The following FBN2 variants were observed in gnomAD, a reference collection of about 807,000 sequenced individuals.
FBN2 encodes the protein fibrillin 2, also known as fibrillin-2.
Under a neutral mutation model 355.6 loss-of-function variants are expected in FBN2, and 105 were observed. That is an observed-to-expected ratio of 0.30 (90% CI 0.25 to 0.35). The LOEUF is 0.35. FBN2 is among the 10% of genes least tolerant of loss of function. The pLI is 1.00. For synonymous variants in FBN2, 1,350 were observed against 1,301.2 expected (o/e 1.04, Z -0.81); for missense variants, 3,280 against 3,758.7 (o/e 0.87, Z 3.33).
chr5:128,332,537 A>G (rs1750721089), intron 32 of FBN2, among the ~76,000 whole-genome samples: 1 of 152,224 alleles, frequency 6.6e-6, no homozygotes, highest in African/African-American at 2.4e-5. Flanking sequence ...CTAAAAAATT[A>G]GGTTATCTGA....
Position 128,259,687 on chromosome 5 carries a change from A to G in FBN2, c.8507T>C (p.Ile2836Thr), listed in dbSNP as rs561167780. 1.2e-6 allele frequency: 2 copies of G among 1,613,910 alleles called. No homozygotes were observed. The highest frequency in any genetic ancestry group is 1.3e-5 in the African/African-American group (1 of 74,982). The stretch of plus-strand genomic sequence containing the variant: ...GACGCTGTCATCGTTCCCTTGAGAG[A>G]TGACATAACGGATGTGGTTGTTGAG... ...QPLNNHIRYV[I>T]SQGNDDSVFR... The change falls in exon 65 of 65, where the codon ATC becomes ACC. Residue 2836 changes from isoleucine (I) to threonine (T), a missense_variant. Physicochemically the swap from Ile to Thr is moderately conservative, Grantham distance 89. Coordinates refer to ENST00000262464, the MANE Select transcript of FBN2 (RefSeq NM_001999.4).
At chr5:128,325,998 C>T (rs1014575001) in intron 34 of FBN2, among the ~76,000 whole-genome samples, 1 of 152,260 alleles carries the variant, frequency 6.6e-6, no homozygotes, top group South Asian at 2.1e-4. Flanking sequence ...GCATAAAGTA[C>T]CTATGGAAAA....
At chr5:128,431,616 TTA>T (rs1753630291) in intron 7 of FBN2, among the ~76,000 whole-genome samples, 1 of 152,222 alleles carries the variant, frequency 6.6e-6, no homozygotes, top group South Asian at 2.1e-4. Flanking sequence ...TTTTGCCTTA[TTA>T]AGTCAAGAGC....
intron 6 of FBN2, 80 bp downstream of exon 6, chr5:128,464,644 C>T: frequency 6.9e-7 from 1 of 1,439,546 alleles, no homozygotes; most frequent in East Asian, 2.3e-5. Flanking sequence ...AAGCTACCAT[C>T]CAGTGCCAGA....
chr5:128,495,711 T>C (rs1414854794), intron 5 of FBN2, among the ~76,000 whole-genome samples: 1 of 151,922 alleles, frequency 6.6e-6, no homozygotes, highest in East Asian at 1.9e-4. Context: ...AATCAAAAGG[T>C]GGTTCTCTGG....
In FBN2 at chr5:128,537,667, C is replaced by G; in HGVS notation, c.-64G>C. ...AGGGAGTGATCAAAGACAAAATCTG[C>G]GCGCCTCAGAAAAGAGTCAGGGTCT... On this transcript the variant is annotated 5_prime_UTR_variant, in exon 1 of 65. Coordinates refer to ENST00000262464, the MANE Select transcript of FBN2 (RefSeq NM_001999.4). 5 of 1,517,230 alleles carry G rather than the reference C, an allele frequency of 3.3e-6. No individual in the cohort carries two copies. The highest frequency in any genetic ancestry group is 4.5e-6 in the Non-Finnish European group (5 of 1,110,248). The allele number at this position is 1,517,230 out of a possible 1,614,324, so 94.0% of individuals were successfully genotyped here.
At chr5:128,424,334 C>T (rs914602914) in intron 7 of FBN2, among the ~76,000 whole-genome samples, 1 of 151,854 alleles carries the variant, frequency 6.6e-6, no homozygotes, top group African/African-American at 2.4e-5. Context: ...AGAAGGTGTT[C>T]GGGAGTTAAT....
intron 56 of FBN2, 150 bp downstream of exon 56, chr5:128,280,042 T>C: frequency 4.6e-6 from 3 of 653,604 alleles, no homozygotes; most frequent in Admixed American, 2.3e-5. Flanking sequence ...ATCATTTTAA[T>C]AGATGTGCAT....
chr5:128,359,047 G>A (rs1284438840), intron 19 of FBN2, among the ~76,000 whole-genome samples: 7 of 152,082 alleles, frequency 4.6e-5, no homozygotes, highest in Non-Finnish European at 7.4e-5. Flanking sequence ...AACTAGTTAT[G>A]TCACTGGAAA....
chr5:128,355,057 G>A (rs185294090), intron 20 of FBN2, among the ~76,000 whole-genome samples: 50 of 152,262 alleles, frequency 3.3e-4, no homozygotes, highest in African/African-American at 1.2e-3. Context: ...AGGATAGGGA[G>A]GACTCAGTAA....
At chr5:128,267,651 C>A (rs1765151157) in intron 62 of FBN2, among the ~76,000 whole-genome samples, 1 of 141,876 alleles carries the variant, frequency 7.0e-6, no homozygotes, top group South Asian at 2.1e-4. Flanking sequence ...ATCCTTTTCC[C>A]ACTTTTTGAT....
chr5:128,484,730 A>C (rs1755289388), intron 5 of FBN2, among the ~76,000 whole-genome samples: 1 of 152,186 alleles, frequency 6.6e-6, no homozygotes, highest in Admixed American at 6.5e-5. Flanking sequence ...CTCTGTTCAC[A>C]GTGGAGGAAA....
At chr5:128,276,289 G>T (rs1226594379) in intron 58 of FBN2, 129 bp from the exon 59 acceptor site, 8 of 908,424 alleles carry the variant, frequency 8.8e-6, no homozygotes, top group Non-Finnish European at 1.4e-5. Flanking sequence ...TAGCCAGAGA[G>T]AAATGATGCA....
chr5:128,311,478 A>G, intron 38 of FBN2, 53 bp from the exon 39 acceptor site: 1 of 1,584,570 alleles, frequency 6.3e-7, no homozygotes, highest in South Asian at 1.1e-5. Flanking sequence ...TAAGGATAAG[A>G]GTTAATATTA....
intron 7 of FBN2, among the ~76,000 whole-genome samples, chr5:128,423,448 A>G (rs755869699): frequency 5.9e-5 from 9 of 152,154 alleles, no homozygotes; most frequent in Admixed American, 3.3e-4. Flanking sequence ...TCAAACCATC[A>G]GATCTCATAA....
intron 8 of FBN2, among the ~76,000 whole-genome samples, chr5:128,398,411 T>G (rs925698700): frequency 4.0e-5 from 6 of 150,706 alleles, no homozygotes; most frequent in African/African-American, 1.5e-4. Context: ...TTTAATATAT[T>G]TAAAGCAATT....
intron 7 of FBN2, among the ~76,000 whole-genome samples, chr5:128,418,211 A>G (rs1753255760): frequency 6.6e-6 from 1 of 152,070 alleles, no homozygotes; most frequent in African/African-American, 2.4e-5. Flanking sequence ...AGTCATCTCA[A>G]CTAATTTTGT....
intron 15 of FBN2, chr5:128,371,156 T>C (rs1198882759): frequency 6.6e-6 from 1 of 152,160 alleles, no homozygotes; most frequent in Non-Finnish European, 1.5e-5. Context: ...AGGAGTTCTA[T>C]CTGTAACTGA....
intron 34 of FBN2, among the ~76,000 whole-genome samples, chr5:128,322,788 T>C (rs865867506): frequency 2.6e-5 from 4 of 152,152 alleles, no homozygotes; most frequent in Admixed American, 6.5e-5. Flanking sequence ...TTTAAGGTAG[T>C]TTTTCCTAAT....
Sources: gnomAD v4.1 joint callset for allele counts (sites outside exome capture counted in the v4.1 genomes callset) on GRCh38, gnomAD v4.1.1 for gene constraint, MANE v1.5 for transcripts, NCBI Gene and HGNC (gene_info 2026-07-23, HGNC 2026-07-21) for gene names.